The following ZC3H7B variants were observed in gnomAD, a reference collection of about 807,000 sequenced individuals.
ZC3H7B encodes the protein zinc finger CCCH domain-containing protein 7B.
Under a neutral mutation model 116.0 loss-of-function variants are expected in ZC3H7B, and 35 were observed. The ratio of observed to expected loss-of-function variants is 0.30; its 90% CI spans 0.23 to 0.40. The LOEUF is 0.40. ZC3H7B is among the 10% of genes least tolerant of loss of function. ZC3H7B has a pLI of 1.00. For synonymous variants in ZC3H7B, 502 were observed against 545.6 expected (o/e 0.92, Z 1.11); for missense variants, 1,011 against 1,321.5 (o/e 0.77, Z 3.64).
intron 5 of ZC3H7B, among the ~76,000 whole-genome samples, chr22:41,328,633 A>G (rs933371624): frequency 1.1e-4 from 16 of 152,110 alleles, no homozygotes; most frequent in Non-Finnish European, 2.4e-4. Context: ...TCGCTGGGGT[A>G]TCCTTAGCCC....
chr22:41,353,787 C>T (rs1034201214), intron 17 of ZC3H7B, among the ~76,000 whole-genome samples: 2 of 152,216 alleles, frequency 1.3e-5, no homozygotes, highest in Non-Finnish European at 2.9e-5. Context: ...TTCTTTGTTC[C>T]TGGTCCTCTT....
intron 7 of ZC3H7B, among the ~76,000 whole-genome samples, chr22:41,337,560 T>TGG (rs1164394265): frequency 6.6e-6 from 1 of 152,142 alleles, no homozygotes; most frequent in African/African-American, 2.4e-5. Context: ...CTCTGCTTCC[T>TGG]GGGGGGCCTG....
chr22:41,327,067 C>A lies in ZC3H7B; in HGVS notation c.286-139C>A. The A allele has an allele frequency of 8.0e-7, 1 of 1,249,194 alleles. No homozygotes were observed. Among genetic ancestry groups the A allele is most frequent in the Non-Finnish European group, 1.1e-6 (1 of 913,784 alleles). The allele number at this position is 1,249,194 out of a possible 1,614,324, so 77.4% of individuals were successfully genotyped here. A position where few individuals can be genotyped will look rare whatever the true frequency, so the allele number is the denominator to read the frequency against. ...TTCCTTCTCTCCTGGAGCCTCGAGC[C>A]CTGTCCCTGACCCAAGACTTCAGCT... On this transcript the variant is annotated intron_variant, in intron 4 of 22. Coordinates refer to ENST00000352645, the MANE Select transcript of ZC3H7B (RefSeq NM_017590.6). This position sits in a 1 kb window ranked among gnomAD's most constrained non-coding sequence, Gnocchi z 4.5.
At chr22:41,344,698 G>A (rs1272190873) in intron 13 of ZC3H7B, among the ~76,000 whole-genome samples, 1 of 152,218 alleles carries the variant, frequency 6.6e-6, no homozygotes, top group African/African-American at 2.4e-5. Flanking sequence ...GACTTAGAGT[G>A]GGAGGAGGAG....
intron 11 of ZC3H7B, among the ~76,000 whole-genome samples, chr22:41,341,947 A>G (rs1601787829): frequency 6.6e-6 from 1 of 152,038 alleles, no homozygotes; most frequent in South Asian, 2.1e-4. Context: ...CTGTAATCCC[A>G]GGTACTCAGG....
chr22:41,330,923 C>T (rs1270799603), intron 6 of ZC3H7B, among the ~76,000 whole-genome samples: 1 of 139,208 alleles, frequency 7.2e-6, no homozygotes, highest in Non-Finnish European at 1.5e-5. Context: ...TGCTGGAGTG[C>T]AGTGGCGCGA....
chr22:41,325,957 C>T lies in ZC3H7B; in HGVS notation c.285+39C>T, dbSNP rs952392650. 1.2e-5 allele frequency: 19 copies of T among 1,562,566 alleles called. No individual in the cohort carries two copies. In the African/African-American group the frequency reaches 2.4e-4, roughly 20 times the overall value. On this transcript the variant is annotated intron_variant, in intron 4 of 22. Transcript: ENST00000352645. ...CCTCTTTTCTCTCCTCCTCTGCTGCCCTGATCCCCTGGATGCCCAGTCGAG... is the reference window on the plus strand; with the variant it reads ...CCTCTTTTCTCTCCTCCTCTGCTGCTCTGATCCCCTGGATGCCCAGTCGAG...
At position 41,355,452 on chromosome 22, in the gene ZC3H7B, T is replaced by A. The variant is rs1243326333; in HGVS notation, c.2035-17T>A. The A allele has an allele frequency of 6.2e-7, 1 of 1,612,986 alleles. No individual in the cohort carries two copies. Among genetic ancestry groups the A allele is most frequent in the Non-Finnish European group, 8.5e-7 (1 of 1,179,568 alleles). Reference sequence around the variant, plus strand: ...GTGCCTGCAGCTTCACCAACCCCCCTCCCCATCCCCCCACAGGGTGCTCCG... The same window carrying A: ...GTGCCTGCAGCTTCACCAACCCCCCACCCCATCCCCCCACAGGGTGCTCCG... On this transcript the variant is annotated splice_polypyrimidine_tract_variant and intron_variant, in intron 17 of 22. Transcript: ENST00000352645.
chr22:41,354,412 A>G (rs2036687868), intron 17 of ZC3H7B, among the ~76,000 whole-genome samples: 1 of 152,210 alleles, frequency 6.6e-6, no homozygotes, highest in Admixed American at 6.5e-5. Context: ...GTCCAGCACC[A>G]GGCCAGGGGT....
intron 16 of ZC3H7B, among the ~76,000 whole-genome samples, chr22:41,350,053 C>T (rs918714833): frequency 5.9e-5 from 9 of 152,048 alleles, no homozygotes; most frequent in African/African-American, 1.9e-4. Flanking sequence ...AAGATAAAGC[C>T]GAGCAATGGG....
rs772539518 is a variant in ZC3H7B, at chr22:41,338,507, G to A, written c.625+152G>A. Reference sequence around the variant, plus strand: ...CCTGAGGCATGGGAGAAAACAGTGGGTTGAGAGCTACAGACCCACTCAAGG... The same window carrying A: ...CCTGAGGCATGGGAGAAAACAGTGGATTGAGAGCTACAGACCCACTCAAGG... On this transcript the variant is annotated intron_variant, in intron 8 of 22. Coordinates refer to ENST00000352645, the MANE Select transcript of ZC3H7B (RefSeq NM_017590.6). This position sits in a 1 kb window ranked among gnomAD's most constrained non-coding sequence, Gnocchi z 4.5. 4.0e-5 allele frequency: 33 copies of A among 817,896 alleles called. No homozygotes were observed. Among genetic ancestry groups the A allele is most frequent in the Middle Eastern group, 4.7e-4 (2 of 4,300 alleles). The allele number at this position is 817,896 out of a possible 1,614,324, so 50.7% of individuals were successfully genotyped here.
chr22:41,351,361 G>C lies in ZC3H7B; in HGVS notation c.1949-200G>C, dbSNP rs563563128. On this transcript the variant is annotated intron_variant, in intron 16 of 22. Coordinates refer to ENST00000352645, the MANE Select transcript of ZC3H7B (RefSeq NM_017590.6). The surrounding 1 kb of genome is among the most constrained non-coding windows in gnomAD (Gnocchi z 5.1). Reference sequence around the variant, plus strand: ...GCTGCATTTAATTCTTTCACTTCCAGTGAGGCTCGGAGCAGGTCTTTGTTC... The same window carrying C: ...GCTGCATTTAATTCTTTCACTTCCACTGAGGCTCGGAGCAGGTCTTTGTTC... 6.6e-6 allele frequency among the ~76,000 whole-genome samples: 1 copy of C among 152,214 alleles called. No individual in the cohort carries two copies. Among genetic ancestry groups the C allele is most frequent in the African/African-American group, 2.4e-5 (1 of 41,444 alleles).
Position 41,340,116 on chromosome 22 carries a change from G to GA in ZC3H7B, c.1118dup (p.Asp373GlufsTer4). On this transcript the variant is annotated frameshift_variant, in exon 10 of 23. Coordinates refer to ENST00000352645, the MANE Select transcript of ZC3H7B (RefSeq NM_017590.6). LOFTEE classifies it high-confidence loss of function. The stretch of plus-strand genomic sequence containing the variant: ...CTTTGGGTCGACACGAGGCTCCCTG[G>GA]ACAAACCTGACTCCTTCATGGGTAA... 1 of 1,607,986 alleles carries GA rather than the reference G, an allele frequency of 6.2e-7. No homozygotes were observed. The highest frequency in any genetic ancestry group is 1.1e-5 in the South Asian group (1 of 90,670).
chr22:41,338,915 T>C lies in ZC3H7B; in HGVS notation c.626-86T>C. The C allele has an allele frequency of 7.4e-7, 1 of 1,347,308 alleles. No homozygotes were observed. The highest frequency in any genetic ancestry group is 1.5e-5 in the African/African-American group (1 of 67,920). The allele number at this position is 1,347,308 out of a possible 1,614,324, so 83.5% of individuals were successfully genotyped here. Reference sequence around the variant, plus strand: ...AGAGCTGAAAGAAGAAGGGAAAGTGTTGGATGAGCATCACGGGGCCCGGGA... The same window carrying C: ...AGAGCTGAAAGAAGAAGGGAAAGTGCTGGATGAGCATCACGGGGCCCGGGA... On this transcript the variant is annotated intron_variant, in intron 8 of 22. Transcript: ENST00000352645. The surrounding 1 kb of genome is among the most constrained non-coding windows in gnomAD (Gnocchi z 4.5).
Position 41,348,151 on chromosome 22 carries a change from A to T in ZC3H7B, c.1750A>T (p.Ser584Cys). The change falls in exon 15 of 23, where the codon AGC (serine) becomes TGC (cysteine). Residue 584 changes from serine (S) to cysteine (C), a missense_variant. By Grantham distance (112) the Ser-to-Cys change is moderately radical (BLOSUM62 -1). Around this residue, in one of 5 missense-constraint regions of ZC3H7B, gnomAD observed 406 missense variants for 590.2 expected, o/e 0.69. Coordinates refer to ENST00000352645, the MANE Select transcript of ZC3H7B (RefSeq NM_017590.6). ...CTGCTCCAACCTGGCTGCCAAGCAC[A>T]GCTTCTACAACAACAAGTGAGTGGG... Reference protein sequence around the residue: ...SVCSNLAAKHSFYNNKCLVHI... With the variant: ...SVCSNLAAKHCFYNNKCLVHI... The T allele has an allele frequency of 1.2e-6, 2 of 1,613,898 alleles. No homozygotes were observed. The highest frequency in any genetic ancestry group is 1.7e-6 in the Non-Finnish European group (2 of 1,179,906).
intron 1 of ZC3H7B, among the ~76,000 whole-genome samples, chr22:41,315,357 T>TG (rs201355945): frequency 1.3e-5 from 2 of 149,402 alleles, no homozygotes; most frequent in African/African-American, 4.9e-5. Context: ...CTAGTGTTTT[T>TG]TTTTTTTTTT....
intron 1 of ZC3H7B, among the ~76,000 whole-genome samples, chr22:41,317,973 A>G (rs905628623): frequency 1.3e-5 from 2 of 152,076 alleles, no homozygotes; most frequent in Admixed American, 6.6e-5. Context: ...TTGGAGTACT[A>G]TTTTCCTGCC....
chr22:41,332,523 G>T (rs1041482224), intron 7 of ZC3H7B: 7 of 388,632 alleles, frequency 1.8e-5, no homozygotes, highest in Non-Finnish European at 2.8e-5. Flanking sequence ...CACATTTCCT[G>T]CTGTGTTGCC....
intron 6 of ZC3H7B, 121 bp downstream of exon 6, chr22:41,330,224 T>A: frequency 1.1e-6 from 1 of 901,938 alleles, no homozygotes; most frequent in Non-Finnish European, 1.7e-6. Flanking sequence ...CAGAGGGGAG[T>A]GACAGCAGGT....
Sources: allele counts gnomAD v4.1 joint callset (sites outside exome capture counted in the v4.1 genomes callset), GRCh38; gene constraint gnomAD v4.1.1; regional missense constraint gnomAD v4.1.1; non-coding constraint Gnocchi (gnomAD v3.1); transcripts MANE v1.5; gene names NCBI Gene and HGNC (gene_info 2026-07-23, HGNC 2026-07-21).